The following SCG3 variants were observed in gnomAD, a reference collection of about 807,000 sequenced individuals.
The protein encoded by SCG3 is secretogranin III, also known as secretogranin-3.
Under a neutral mutation model 56.2 loss-of-function variants are expected in SCG3, and 38 were observed. The observed-to-expected ratio is 0.68, with a 90% confidence interval of 0.52 to 0.89. The LOEUF is 0.89. SCG3 is among the 40% of genes least tolerant of loss of function. The pLI is 0.00. For missense variants in SCG3, 524 were observed against 540.7 expected, an observed-to-expected ratio of 0.97 and a Z score of 0.31; for synonymous variants, 176 against 184.2, an observed-to-expected ratio of 0.96 and a Z score of 0.36.
Position 51,713,506 on chromosome 15 carries a change from A to G in SCG3, c.1288+93A>G. 4.9e-6 allele frequency: 4 copies of G among 821,614 alleles called. No homozygotes were observed. The South Asian group carries it at 7.0e-5, about 14-fold the overall frequency. 50.9% of individuals were successfully genotyped at this position (821,614 alleles called of 1,614,324 possible). ...TTCCCACAGTCAAATTGACTGTGCTAAAGTCTCCCCGCAGAGCCCAAAAAA... is the reference window on the plus strand; with the variant it reads ...TTCCCACAGTCAAATTGACTGTGCTGAAGTCTCCCCGCAGAGCCCAAAAAA... On this transcript the variant is annotated intron_variant, in intron 11 of 11. Transcript: ENST00000220478.
intron 4 of SCG3, 114 bp downstream of exon 4, chr15:51,683,548 G>C: frequency 1.6e-6 from 1 of 639,416 alleles, no homozygotes. Flanking sequence ...TATTAGTCAA[G>C]TCCAAAATTG....
intron 4 of SCG3, among the ~76,000 whole-genome samples, chr15:51,686,539 G>T (rs1413316952): frequency 6.6e-6 from 1 of 152,112 alleles, no homozygotes; most frequent in Non-Finnish European, 1.5e-5. Flanking sequence ...GCATAGACTG[G>T]GGCAGTTTCT....
In SCG3 at chr15:51,686,677, T is replaced by TG. The variant is rs1456331389; in HGVS notation, c.398-1583_398-1582insG. 5.1e-5 allele frequency among the ~76,000 whole-genome samples: 7 copies of TG among 136,504 alleles called. No homozygotes were observed. In the Admixed American group the frequency reaches 5.3e-4, roughly 10 times the overall value. The allele number at this position is 136,504 out of a possible 152,430, so 89.6% of individuals were successfully genotyped here. On this transcript the variant is annotated intron_variant, in intron 4 of 11. Coordinates refer to ENST00000220478, the MANE Select transcript of SCG3 (RefSeq NM_013243.4). ...TTCAGCCAGCCAGGAGGAGAACTGATTTTATGTTTGTTTGTTTGTTTGTTT... is the reference window on the plus strand; with the variant it reads ...TTCAGCCAGCCAGGAGGAGAACTGATGTTTATGTTTGTTTGTTTGTTTGTTT...
chr15:51,715,423 T>C (rs879904274), intron 11 of SCG3, among the ~76,000 whole-genome samples: 3 of 152,104 alleles, frequency 2.0e-5, no homozygotes, highest in Non-Finnish European at 2.9e-5. Context: ...TTACTATTAG[T>C]TCTGACCTTT....
intron 4 of SCG3, 137 bp downstream of exon 4, chr15:51,683,571 T>C: frequency 1.8e-6 from 1 of 547,688 alleles, no homozygotes. Flanking sequence ...ATAAAGCATA[T>C]ATTTACTGAT....
At position 51,720,355 on chromosome 15, in the gene SCG3, A is replaced by T. The variant is rs2055488464; in HGVS notation, c.*829A>T. 6.6e-6 allele frequency: 1 copy of T among 152,230 alleles called. No individual in the cohort carries two copies. Among genetic ancestry groups the T allele is most frequent in the South Asian group, 2.1e-4 (1 of 4,832 alleles). 9.4% of individuals were successfully genotyped at this position (152,230 alleles called of 1,614,324 possible). A position where few individuals can be genotyped will look rare whatever the true frequency, so the allele number is the denominator to read the frequency against. On this transcript the variant is annotated 3_prime_UTR_variant, in exon 12 of 12. Coordinates refer to ENST00000220478, the MANE Select transcript of SCG3 (RefSeq NM_013243.4). ...TAAGGTAGAAATAGAGATAAAAATC[A>T]TTCCTTCCTTGTGATCCAAAGCTGG...
chr15:51,686,864 C>A (rs2055232606), intron 4 of SCG3, among the ~76,000 whole-genome samples: 1 of 152,124 alleles, frequency 6.6e-6, no homozygotes, highest in Non-Finnish European at 1.5e-5. Flanking sequence ...CACTCATTTT[C>A]CTAAGCTTCT....
chr15:51,694,139 A>G (rs1050805116), intron 7 of SCG3, among the ~76,000 whole-genome samples: 6 of 151,838 alleles, frequency 4.0e-5, no homozygotes, highest in African/African-American at 1.5e-4. Flanking sequence ...TTATTTTTCC[A>G]TAATTTTAAT....
At position 51,720,301 on chromosome 15, in the gene SCG3, T is replaced by C. The variant is rs1292563439; in HGVS notation, c.*775T>C. On this transcript the variant is annotated 3_prime_UTR_variant, in exon 12 of 12. Transcript: ENST00000220478. ...AACTAGATTAGATCCAAGCCAAGTT[T>C]TCTCAACAGAGAGCAAAGGGCCAGG... 6.6e-6 allele frequency: 1 copy of C among 152,276 alleles called. No homozygotes were observed. Among genetic ancestry groups the C allele is most frequent in the Non-Finnish European group, 1.5e-5 (1 of 68,064 alleles). The allele number at this position is 152,276 out of a possible 1,614,324, so 9.4% of individuals were successfully genotyped here. A position where few individuals can be genotyped will look rare whatever the true frequency, so the allele number is the denominator to read the frequency against.
At chr15:51,700,259 C>T (rs945927268) in intron 9 of SCG3, among the ~76,000 whole-genome samples, 2 of 152,138 alleles carry the variant, frequency 1.3e-5, no homozygotes, top group African/African-American at 4.8e-5. Context: ...ATCACACTAG[C>T]GAATGTTTTA....
At chr15:51,691,224 A>G (rs1055212248) in intron 6 of SCG3, among the ~76,000 whole-genome samples, 1 of 152,188 alleles carries the variant, frequency 6.6e-6, no homozygotes, top group Non-Finnish European at 1.5e-5. Flanking sequence ...AAGAGCAAAA[A>G]GAGAAGAGAC....
chr15:51,701,417 G>C (rs914904034), intron 10 of SCG3, among the ~76,000 whole-genome samples, 173 bp downstream of exon 10: 4 of 152,112 alleles, frequency 2.6e-5, no homozygotes, highest in African/African-American at 9.7e-5. Context: ...CTTTTTTAAT[G>C]GTCTTGAGTC....
chr15:51,701,086 C>T (rs2055336275), intron 9 of SCG3, 21 bp from the exon 10 acceptor site: 1 of 1,612,558 alleles, frequency 6.2e-7, no homozygotes, highest in Non-Finnish European at 8.5e-7. Flanking sequence ...GCTATGACAA[C>T]AATGCTCAAT....
At chr15:51,687,638 T>C (rs2055237784) in intron 4 of SCG3, among the ~76,000 whole-genome samples, 1 of 152,248 alleles carries the variant, frequency 6.6e-6, no homozygotes, top group South Asian at 2.1e-4. Flanking sequence ...TACAGTAAGA[T>C]CCCTGTTCTC....
At chr15:51,717,342 TG>T (rs1436842849) in intron 11 of SCG3, among the ~76,000 whole-genome samples, 2 of 148,054 alleles carry the variant, frequency 1.4e-5, no homozygotes, top group Admixed American at 6.8e-5. Flanking sequence ...CACTCCAGCC[TG>T]GGCAACGGTG....
At chr15:51,693,490 G>A (rs547468055) in intron 7 of SCG3, 1 of 152,258 alleles carries the variant, frequency 6.6e-6, no homozygotes, top group East Asian at 1.9e-4. Context: ...TTGCTCATAT[G>A]TGCAGTGAGT....
chr15:51,718,064 C>A (rs948764620), intron 11 of SCG3, among the ~76,000 whole-genome samples: 4 of 152,162 alleles, frequency 2.6e-5, no homozygotes, highest in Non-Finnish European at 5.9e-5. Context: ...TTCCTGAGGC[C>A]TTCTTCTGAG....
intron 10 of SCG3, among the ~76,000 whole-genome samples, chr15:51,705,917 T>C (rs1157888997): frequency 6.6e-6 from 1 of 152,190 alleles, no homozygotes; most frequent in Non-Finnish European, 1.5e-5. Context: ...TGTTCAGAGA[T>C]GTAATTTATT....
At chr15:51,692,490 T>C (rs2055274317) in intron 7 of SCG3, among the ~76,000 whole-genome samples, 154 bp downstream of exon 7, 1 of 152,220 alleles carries the variant, frequency 6.6e-6, no homozygotes, top group Non-Finnish European at 1.5e-5. Context: ...CGATTTTTTT[T>C]TCCAAAGGAG....
Sources: gnomAD v4.1 joint callset for allele counts (sites outside exome capture counted in the v4.1 genomes callset) on GRCh38, gnomAD v4.1.1 for gene constraint, MANE v1.5 for transcripts, NCBI Gene and HGNC (gene_info 2026-07-23, HGNC 2026-07-21) for gene names.